Variants in KCNH1 observed in about 807,000 individuals in gnomAD.
KCNH1 encodes potassium voltage-gated channel subfamily H member 1, also known as voltage-gated delayed rectifier potassium channel KCNH1.
Under a neutral mutation model 69.2 loss-of-function variants are expected in KCNH1, and 27 were observed. That is an observed-to-expected ratio of 0.39 (90% CI 0.29 to 0.54). The LOEUF (loss-of-function observed/expected upper bound fraction) is 0.54. Ranked by LOEUF, KCNH1 falls within the 20% of genes least tolerant of loss-of-function variation. The probability of loss-of-function intolerance (pLI) is 0.68; values close to 1 mark genes in which losing one functional copy is unlikely to be tolerated. For missense variants in KCNH1, 798 were observed against 1,261.6 expected (o/e 0.63, Z 5.57); for synonymous variants, 456 against 487.7 (o/e 0.93, Z 0.86).
intron 7 of KCNH1, among the ~76,000 whole-genome samples, chr1:210,834,028 G>T (rs1685226116): frequency 6.6e-6 from 1 of 152,152 alleles, no homozygotes; most frequent in Non-Finnish European, 1.5e-5. Context: ...TAAAAAGTCA[G>T]GAAACAACAG....
In KCNH1 at chr1:211,002,745, G is replaced by A. The variant is rs7519507; in HGVS notation, c.1032+16038C>T. ...GAAGAGTATCAGGAAACTGGGAGAT[G>A]AGTCAGAAAAAAATATCCAGAGGGA... On this transcript the variant is annotated intron_variant, in intron 6 of 10. Transcript: ENST00000271751. 2.6e-3 allele frequency among the ~76,000 whole-genome samples: 393 copies of A among 152,206 alleles called. 1 individual carries two copies. Among genetic ancestry groups the A allele is most frequent in the African/African-American group, 9.1e-3 (376 of 41,528 alleles).
chr1:210,787,484 CTGTT>C (rs567918832), intron 9 of KCNH1, among the ~76,000 whole-genome samples: 6 of 152,326 alleles, frequency 3.9e-5, no homozygotes, highest in Non-Finnish European at 7.3e-5. Flanking sequence ...GTTTGGCCCA[CTGTT>C]TGTATTTCCA....
Position 211,113,947 on chromosome 1 carries a change from C to G in KCNH1, c.80-6570G>C, listed in dbSNP as rs186202506. Among the ~76,000 whole-genome samples, 682 of 115,344 alleles carry G rather than the reference C, an allele frequency of 5.9e-3. 9 individuals carry two copies. Among genetic ancestry groups the G allele is most frequent in the African/African-American group, 0.023 (659 of 28,054 alleles). 75.7% of individuals were successfully genotyped at this position (115,344 alleles called of 152,430 possible). A position where few individuals can be genotyped will look rare whatever the true frequency, so the allele number is the denominator to read the frequency against. On this transcript the variant is annotated intron_variant, in intron 1 of 10. Coordinates refer to ENST00000271751, the MANE Select transcript of KCNH1 (RefSeq NM_172362.3). The stretch of plus-strand genomic sequence containing the variant: ...TACATTAGATCAAGTCTCTCTCTCT[C>G]TCTCTGTCTCTCTCTCTCTCTCTCT...
Position 210,791,237 on chromosome 1 carries a change from C to T in KCNH1, c.1915+6271G>A, listed in dbSNP as rs1005988123. Among the ~76,000 whole-genome samples, 14 of 152,312 alleles carry T rather than the reference C, an allele frequency of 9.2e-5. 1 individual carries two copies. Among genetic ancestry groups the T allele is most frequent in the South Asian group, 8.3e-4 (4 of 4,828 alleles). Reference sequence around the variant, plus strand: ...CATCCCTGCCTTAGTTGCTTCCTCACGTTCATCATCTCACCCCATTCCACA... The same window carrying T: ...CATCCCTGCCTTAGTTGCTTCCTCATGTTCATCATCTCACCCCATTCCACA... On this transcript the variant is annotated intron_variant, in intron 9 of 10. Transcript: ENST00000271751.
intron 10 of KCNH1, among the ~76,000 whole-genome samples, chr1:210,752,163 C>T (rs1048478816): frequency 2.0e-5 from 3 of 152,024 alleles, no homozygotes; most frequent in African/African-American, 7.2e-5. Context: ...ATAGAAGATC[C>T]CTGGGTCTGG....
chr1:211,019,085 T>C lies in KCNH1; in HGVS notation c.730A>G (p.Arg244Gly). The change falls in exon 6 of 11, where the codon AGG becomes GGG. Residue 244 changes from arginine (R) to glycine (G), a missense_variant. Around this residue, in one of 4 missense-constraint regions of KCNH1, gnomAD observed 266 missense variants for 457.2 expected, o/e 0.58. Coordinates refer to ENST00000271751, the MANE Select transcript of KCNH1 (RefSeq NM_172362.3). ...ACCAGCCAGGCCACATTATTCTGCCTGGTTTTGAAGGAGACATTATAAGGG... is the reference window on the plus strand; with the variant it reads ...ACCAGCCAGGCCACATTATTCTGCCCGGTTTTGAAGGAGACATTATAAGGG... The part of the protein sequence containing the change: ...LVPYNVSFKT[R>G]QNNVAWLVVD... The C allele has an allele frequency of 6.2e-7, 1 of 1,614,056 alleles. No individual in the cohort carries two copies.
chr1:210,749,738 C>T (rs111781984), intron 10 of KCNH1, among the ~76,000 whole-genome samples: 3 of 134,350 alleles, frequency 2.2e-5, no homozygotes, highest in African/African-American at 8.6e-5. Context: ...GCCAAGGCTG[C>T]TCACTTTTTT....
At position 211,036,604 on chromosome 1, in the gene KCNH1, C is replaced by T. The variant is rs146109713; in HGVS notation, c.559-17348G>A. 2.3e-3 allele frequency among the ~76,000 whole-genome samples: 349 copies of T among 152,222 alleles called. 2 individuals carry two copies. Among genetic ancestry groups the T allele is most frequent in the African/African-American group, 8.3e-3 (344 of 41,534 alleles). ...GAGTCACAATGCATAGGATACAGAC[C>T]TTGTCCAGTCATAGAAGCATGCCCT... On this transcript the variant is annotated intron_variant, in intron 5 of 10. Transcript: ENST00000271751.
Position 210,938,253 on chromosome 1 carries a change from G to A in KCNH1, c.1033-18184C>T, listed in dbSNP as rs1041004309. ...GTTAAGCATATTGGTATTCCAATAG[G>A]TAATTTTGCTGTCATTTGGATAAAA... is the stretch of plus-strand genomic sequence containing the variant. On this transcript the variant is annotated intron_variant, in intron 6 of 10. Transcript: ENST00000271751. Among the ~76,000 whole-genome samples, 3 of 152,256 alleles carry A rather than the reference G, an allele frequency of 2.0e-5. No homozygotes were observed. The East Asian group carries it at 5.8e-4, about 29-fold the overall frequency.
intron 10 of KCNH1, among the ~76,000 whole-genome samples, chr1:210,707,348 A>G (rs907778345): frequency 3.3e-5 from 5 of 152,144 alleles, no homozygotes; most frequent in Non-Finnish European, 5.9e-5. Context: ...AAGCACACAG[A>G]CAGTCTGCCT....
intron 7 of KCNH1, among the ~76,000 whole-genome samples, chr1:210,851,206 AG>A (rs1685696652): frequency 2.6e-5 from 4 of 152,234 alleles, no homozygotes; most frequent in Non-Finnish European, 5.9e-5. Context: ...CCTGAGCCCA[AG>A]AAGCTCCCAA....
intron 10 of KCNH1, among the ~76,000 whole-genome samples, chr1:210,698,636 TA>T (rs1366349006): frequency 6.6e-6 from 1 of 152,226 alleles, no homozygotes; most frequent in East Asian, 1.9e-4. Context: ...CGTCACCTGA[TA>T]ATGATAGTGG....
At chr1:211,017,127 G>C (rs552923160) in intron 6 of KCNH1, among the ~76,000 whole-genome samples, 29 of 152,116 alleles carry the variant, frequency 1.9e-4, no homozygotes, top group African/African-American at 6.5e-4. Context: ...TGAATCTAGA[G>C]CATCTGAGCA....
At chr1:210,793,148 A>C (rs1485154107) in intron 9 of KCNH1, among the ~76,000 whole-genome samples, 2 of 152,334 alleles carry the variant, frequency 1.3e-5, no homozygotes, top group South Asian at 2.1e-4. Context: ...GAGAATTCCA[A>C]AAGGATATAA....
chr1:210,793,214 A>G (rs1483774012), intron 9 of KCNH1, among the ~76,000 whole-genome samples: 1 of 152,188 alleles, frequency 6.6e-6, no homozygotes, highest in Non-Finnish European at 1.5e-5. Flanking sequence ...AGATCATAAG[A>G]GATTTCTGAT....
At position 210,683,929 on chromosome 1, in the gene KCNH1, C is replaced by T. The variant is rs766329990; in HGVS notation, c.2322G>A (p.Glu774=). Residue 774 remains glutamate (E), a synonymous_variant, in exon 11 of 11, where the codon GAG becomes GAA. Transcript: ENST00000271751. This position sits in a 1 kb window ranked among gnomAD's most constrained non-coding sequence, Gnocchi z 5.7. ...LDVEKGNVLT[E]HASANHSLVK... ...CGAGGCTGTGGTTGGCGGAGGCATG[C>T]TCTGTAAGGACATTGCCCTTCTCCA... The T allele has an allele frequency of 6.2e-7, 1 of 1,611,908 alleles. No homozygotes were observed. Among genetic ancestry groups the T allele is most frequent in the Non-Finnish European group, 8.5e-7 (1 of 1,178,220 alleles).
chr1:210,690,105 T>A (rs1681497223), intron 10 of KCNH1, among the ~76,000 whole-genome samples: 1 of 152,212 alleles, frequency 6.6e-6, no homozygotes, highest in South Asian at 2.1e-4. Flanking sequence ...GGGATGACCC[T>A]GGTGAGTCTC....
chr1:210,920,178 G>T, intron 6 of KCNH1, 109 bp from the exon 7 acceptor site: 1 of 857,346 alleles, frequency 1.2e-6, no homozygotes. Context: ...TCCATGAGAT[G>T]CAATTTTATG....
chr1:210,997,473 A>C (rs1689073611), intron 6 of KCNH1, among the ~76,000 whole-genome samples: 1 of 152,186 alleles, frequency 6.6e-6, no homozygotes, highest in Non-Finnish European at 1.5e-5. Flanking sequence ...AAAAGAATAA[A>C]AAGAAATGAA....
Sources: allele counts gnomAD v4.1 joint callset (sites outside exome capture counted in the v4.1 genomes callset), GRCh38; gene constraint gnomAD v4.1.1; regional missense constraint gnomAD v4.1.1; non-coding constraint Gnocchi (gnomAD v3.1); transcripts MANE v1.5; gene names NCBI Gene and HGNC (gene_info 2026-07-23, HGNC 2026-07-21).